PSKH1: variants seen among roughly 807,000 people sequenced by gnomAD.
PSKH1 encodes the protein protein serine kinase H1, also known as serine/threonine-protein kinase H1.
Under a neutral mutation model 26.7 loss-of-function variants are expected in PSKH1, and 12 were observed. The observed-to-expected ratio is 0.45, with a 90% CI of 0.29 to 0.73. The LOEUF (loss-of-function observed/expected upper bound fraction) is 0.73. Ranked by LOEUF, PSKH1 falls within the 30% of genes least tolerant of loss-of-function variation. The probability of loss-of-function intolerance (pLI) is 0.11; values close to 1 mark genes in which losing one functional copy is unlikely to be tolerated. For synonymous variants in PSKH1, 213 were observed against 234.3 expected, an observed-to-expected ratio of 0.91 and a Z score of 0.83; for missense variants, 431 against 595.2, an observed-to-expected ratio of 0.72 and a Z score of 2.87.
intron 2 of PSKH1, among the ~76,000 whole-genome samples, chr16:67,926,199 C>T (rs1414097947): frequency 1.3e-5 from 2 of 152,062 alleles, no homozygotes; most frequent in Non-Finnish European, 2.9e-5. Flanking sequence ...AGAGCCCGTG[C>T]CAGAAGTGTT....
chr16:67,927,913 GCT>G lies in PSKH1; in HGVS notation c.*274_*275del. On this transcript the variant is annotated 3_prime_UTR_variant, in exon 3 of 3. Transcript: ENST00000291041. This position sits in a 1 kb window ranked among gnomAD's most constrained non-coding sequence, Gnocchi z 5.5. Reference sequence around the variant, plus strand: ...CTGATACCCCTCTTGGTGGGCAGCTGCTCTGGTGGAGTTGGGAAGGGATAGGA... The same window carrying G: ...CTGATACCCCTCTTGGTGGGCAGCTGCTGGTGGAGTTGGGAAGGGATAGGA... The G allele has an allele frequency of 1.9e-6, 1 of 522,184 alleles. No homozygotes were observed. The highest frequency in any genetic ancestry group is 3.4e-6 in the Non-Finnish European group (1 of 292,176). The allele number at this position is 522,184 out of a possible 1,614,324, so 32.3% of individuals were successfully genotyped here.
intron 2 of PSKH1, among the ~76,000 whole-genome samples, chr16:67,925,027 A>G (rs574225098): frequency 6.7e-6 from 1 of 149,696 alleles, no homozygotes; most frequent in South Asian, 2.1e-4. Context: ...GTGATCTTGA[A>G]CTCTTGGGCT....
At position 67,927,178 on chromosome 16, in the gene PSKH1, G is replaced by A. The variant is rs987928539; in HGVS notation, c.958-147G>A. 2.6e-6 allele frequency: 2 copies of A among 775,684 alleles called. No homozygotes were observed. The highest frequency in any genetic ancestry group is 4.1e-6 in the Non-Finnish European group (2 of 482,268). The allele number at this position is 775,684 out of a possible 1,614,324, so 48.1% of individuals were successfully genotyped here. ...AGCAGCCCTTGTTCAGCCTGAGCCA[G>A]CGTTGGGCGGGGAGGCCCCAAGTGC... On this transcript the variant is annotated intron_variant, in intron 2 of 2. Coordinates refer to ENST00000291041, the MANE Select transcript of PSKH1 (RefSeq NM_006742.3). This position sits in a 1 kb window ranked among gnomAD's most constrained non-coding sequence, Gnocchi z 5.5.
chr16:67,915,181 A>ATGAG (rs201877271), intron 2 of PSKH1, among the ~76,000 whole-genome samples: 1 of 149,116 alleles, frequency 6.7e-6, no homozygotes, highest in African/African-American at 2.5e-5. Context: ...GAGTGAGTGA[A>ATGAG]TGAGTGAGTG....
chr16:67,895,431 T>C (rs1845848847), intron 1 of PSKH1, among the ~76,000 whole-genome samples: 1 of 150,426 alleles, frequency 6.6e-6, no homozygotes, highest in African/African-American at 2.5e-5. Flanking sequence ...TTTTCTGAGA[T>C]GGAGTCTTGC....
At chr16:67,922,537 A>G (rs1489195196) in intron 2 of PSKH1, among the ~76,000 whole-genome samples, 1 of 152,152 alleles carries the variant, frequency 6.6e-6, no homozygotes, top group African/African-American at 2.4e-5. Flanking sequence ...TGGTTAGATA[A>G]GGAACCCAGG....
chr16:67,915,235 G>A (rs1473758868), intron 2 of PSKH1, among the ~76,000 whole-genome samples: 1 of 152,008 alleles, frequency 6.6e-6, no homozygotes, highest in East Asian at 1.9e-4. Context: ...GTGTGTGTGT[G>A]TGTGTGTTGG....
intron 2 of PSKH1, among the ~76,000 whole-genome samples, chr16:67,913,726 C>T (rs1012844119): frequency 2.6e-5 from 4 of 152,212 alleles, no homozygotes; most frequent in Non-Finnish European, 5.9e-5. Context: ...TCCTGATGTT[C>T]ATACACATCC....
At chr16:67,920,933 T>C (rs1598193058) in intron 2 of PSKH1, among the ~76,000 whole-genome samples, 1 of 151,822 alleles carries the variant, frequency 6.6e-6, no homozygotes, top group South Asian at 2.1e-4. Flanking sequence ...ATGAGATGGT[T>C]ACAGTCACTG....
chr16:67,917,211 A>T (rs1281465367), intron 2 of PSKH1, among the ~76,000 whole-genome samples: 4 of 152,200 alleles, frequency 2.6e-5, no homozygotes, highest in African/African-American at 9.6e-5. Context: ...GAAACTGAGG[A>T]TGGTGAGGTT....
chr16:67,899,073 G>A (rs2058134661), intron 1 of PSKH1, among the ~76,000 whole-genome samples: 1 of 152,156 alleles, frequency 6.6e-6, no homozygotes, highest in Non-Finnish European at 1.5e-5. Flanking sequence ...ATTGTTTCAG[G>A]ATTCATCCTT....
intron 2 of PSKH1, among the ~76,000 whole-genome samples, chr16:67,915,981 CAG>C (rs1286798185): frequency 6.6e-6 from 1 of 152,232 alleles, no homozygotes; most frequent in Non-Finnish European, 1.5e-5. Context: ...CCCGCATTGG[CAG>C]ACACATGTGA....
chr16:67,910,058 C>T (rs1386298914), intron 2 of PSKH1: 3 of 457,272 alleles, frequency 6.6e-6, no homozygotes, highest in Admixed American at 3.7e-5. Flanking sequence ...GAATGTGCCT[C>T]ATAGTTGTAC....
Position 67,927,578 on chromosome 16 carries a change from G to T in PSKH1, c.1211G>T (p.Arg404Leu). 2 of 1,613,432 alleles carry T rather than the reference G, an allele frequency of 1.2e-6. No homozygotes were observed. The highest frequency in any genetic ancestry group is 2.2e-5 in the East Asian group (1 of 44,886). ...CGCTCCACACGCTCCAATAAGTCAC[G>T]CCGTGTGCGGGAACGGGAGCTGCGG... is the stretch of plus-strand genomic sequence containing the variant. ...SSRSTRSNKS[R>L]RVRERELREL... The change falls in exon 3 of 3, where the codon CGC becomes CTC. Residue 404 changes from arginine (R) to leucine (L), a missense_variant. Transcript: ENST00000291041. This position sits in a 1 kb window ranked among gnomAD's most constrained non-coding sequence, Gnocchi z 5.5.
intron 2 of PSKH1, among the ~76,000 whole-genome samples, chr16:67,919,044 C>G (rs2058195035): frequency 6.6e-6 from 1 of 152,188 alleles, no homozygotes; most frequent in South Asian, 2.1e-4. Context: ...CTCCCTGCCC[C>G]TCATCTCCCC....
At chr16:67,923,483 A>C (rs2058208571) in intron 2 of PSKH1, among the ~76,000 whole-genome samples, 1 of 152,208 alleles carries the variant, frequency 6.6e-6, no homozygotes, top group Non-Finnish European at 1.5e-5. Flanking sequence ...TGACTTGCCC[A>C]GAGACTGTGG....
At chr16:67,908,059 G>C (rs1237683265) in intron 1 of PSKH1, among the ~76,000 whole-genome samples, 1 of 152,324 alleles carries the variant, frequency 6.6e-6, no homozygotes, top group African/African-American at 2.4e-5. Context: ...AGGCAGAGGA[G>C]TGAGGAGGGT....
At chr16:67,895,752 T>A (rs1055514105) in intron 1 of PSKH1, among the ~76,000 whole-genome samples, 2 of 152,206 alleles carry the variant, frequency 1.3e-5, no homozygotes, top group African/African-American at 4.8e-5. Flanking sequence ...TTTACTGTGC[T>A]TCCTCATTGA....
At position 67,921,978 on chromosome 16, in the gene PSKH1, T is replaced by C. The variant is rs77854211; in HGVS notation, c.958-5347T>C. Among the ~76,000 whole-genome samples, 1,013 of 152,240 alleles carry C rather than the reference T, an allele frequency of 6.7e-3. 15 individuals carry two copies. The highest frequency in any genetic ancestry group is 0.023 in the African/African-American group (939 of 41,554). On this transcript the variant is annotated intron_variant, in intron 2 of 2. Transcript: ENST00000291041. Reference sequence around the variant, plus strand: ...ATTTTAATCTTTATTCTCTGCTTTTTTTTTTTTAATTCTCTACTTGTTTTT... The same window carrying C: ...ATTTTAATCTTTATTCTCTGCTTTTCTTTTTTTAATTCTCTACTTGTTTTT...
Sources: gnomAD v4.1 joint callset for allele counts (sites outside exome capture counted in the v4.1 genomes callset) on GRCh38, gnomAD v4.1.1 for gene constraint, Gnocchi (gnomAD v3.1) non-coding constraint, MANE v1.5 for transcripts, NCBI Gene and HGNC (gene_info 2026-07-23, HGNC 2026-07-21) for gene names.